Variants in AGAP1 observed in about 807,000 individuals in gnomAD.
AGAP1 encodes the protein ArfGAP with GTPase domain, ankyrin repeat and PH domain 1, also known as arf-GAP with GTPase, ANK repeat and PH domain-containing protein 1.
A neutral mutation model predicts 105.3 loss-of-function variants in AGAP1; 29 were observed. The ratio of observed to expected loss-of-function variants is 0.28; its 90% CI spans 0.21 to 0.38. The LOEUF (loss-of-function observed/expected upper bound fraction) is 0.38, where lower values mean the gene tolerates loss of function less well. Among genes scored for constraint, AGAP1 ranks in the 10% least tolerant of loss-of-function variants. The pLI, the probability that AGAP1 is intolerant of heterozygous loss-of-function variation, is 1.00. For missense variants in AGAP1, 998 were observed against 1,165.1 expected (o/e 0.86, Z 2.09); for synonymous variants, 509 against 485.9 (o/e 1.05, Z -0.63).
chr2:235,986,506 A>G (rs922881918), intron 13 of AGAP1, among the ~76,000 whole-genome samples: 16 of 152,212 alleles, frequency 1.1e-4, no homozygotes, highest in African/African-American at 3.9e-4. Flanking sequence ...TTCCATTACT[A>G]TGTTGAATGG....
At chr2:236,043,083 C>T (rs540514439) in intron 15 of AGAP1, among the ~76,000 whole-genome samples, 18 of 152,314 alleles carry the variant, frequency 1.2e-4, no homozygotes, top group Admixed American at 9.2e-4. Flanking sequence ...TGGAAAGGCT[C>T]AGAAGATGTA....
At chr2:235,782,507 T>C (rs892700003) in intron 6 of AGAP1, among the ~76,000 whole-genome samples, 3 of 152,238 alleles carry the variant, frequency 2.0e-5, no homozygotes, top group African/African-American at 7.2e-5. Context: ...GATTACTTCC[T>C]TTAATTCTTT....
chr2:236,043,330 G>C (rs183959142), intron 15 of AGAP1, among the ~76,000 whole-genome samples: 1 of 152,326 alleles, frequency 6.6e-6, no homozygotes, highest in Admixed American at 6.5e-5. Context: ...GTTCATCACA[G>C]TGCTTTACAT....
rs760720294 is a variant in AGAP1, at chr2:236,058,649, T to C, written c.2114+9368T>C. Reference sequence around the variant, plus strand: ...TTTATGGTGAAATACTGCAGGCTTTTCCCCTAAGATCACAAACAAGACAAG... The same window carrying C: ...TTTATGGTGAAATACTGCAGGCTTTCCCCCTAAGATCACAAACAAGACAAG... On this transcript the variant is annotated intron_variant, in intron 16 of 17. Coordinates refer to ENST00000304032, the MANE Select transcript of AGAP1 (RefSeq NM_001037131.3). The surrounding 1 kb of genome is among the most constrained non-coding windows in gnomAD (Gnocchi z 4.6). Among the ~76,000 whole-genome samples the C allele has an allele frequency of 3.9e-5, 6 of 152,134 alleles. No individual in the cohort carries two copies. Among genetic ancestry groups the C allele is most frequent in the Non-Finnish European group, 8.8e-5 (6 of 68,024 alleles).
At chr2:235,536,267 ACACACACACAG>A in intron 1 of AGAP1, among the ~76,000 whole-genome samples, 2 of 31,274 alleles carry the variant, frequency 6.4e-5, no homozygotes, top group Non-Finnish European at 5.8e-5. Flanking sequence ...ACACACACAC[ACACACACACAG>A]CAGGACCCCG....
At chr2:235,912,767 C>G (rs1181821366) in intron 11 of AGAP1, among the ~76,000 whole-genome samples, 1 of 152,194 alleles carries the variant, frequency 6.6e-6, no homozygotes, top group Non-Finnish European at 1.5e-5. Flanking sequence ...TAGCCATCAC[C>G]AGTTTCACCT....
chr2:235,826,782 C>T (rs1360868909), intron 9 of AGAP1, among the ~76,000 whole-genome samples: 1 of 152,144 alleles, frequency 6.6e-6, no homozygotes, highest in African/African-American at 2.4e-5. Flanking sequence ...CAACATTAGC[C>T]ACCCTGAGAG....
At chr2:235,679,063 AAG>A (rs1416079009) in intron 1 of AGAP1, among the ~76,000 whole-genome samples, 3 of 152,244 alleles carry the variant, frequency 2.0e-5, no homozygotes, top group African/African-American at 7.2e-5. Context: ...GCAAGAAAGA[AAG>A]AATGCTTTTC....
chr2:235,892,141 G>C (rs1217794638), intron 10 of AGAP1, among the ~76,000 whole-genome samples: 4 of 149,760 alleles, frequency 2.7e-5, no homozygotes, highest in Non-Finnish European at 4.4e-5. Flanking sequence ...GCAACAGTGA[G>C]ACTCCCATCT....
chr2:235,554,219 G>A (rs924802760), intron 1 of AGAP1, among the ~76,000 whole-genome samples: 2 of 152,232 alleles, frequency 1.3e-5, no homozygotes, highest in Non-Finnish European at 2.9e-5. Context: ...TTTAATTAGC[G>A]TGGTCCAGCC....
intron 6 of AGAP1, among the ~76,000 whole-genome samples, chr2:235,763,313 A>G (rs997626940): frequency 6.6e-6 from 1 of 151,794 alleles, no homozygotes; most frequent in Non-Finnish European, 1.5e-5. Context: ...AAAAAAAAAA[A>G]TTAAAACACC....
Position 235,494,732 on chromosome 2 carries a change from G to C in AGAP1, c.46G>C (p.Glu16Gln). 1.3e-6 allele frequency: 2 copies of C among 1,566,264 alleles called. No homozygotes were observed. Among genetic ancestry groups the C allele is most frequent in the Non-Finnish European group, 1.7e-6 (2 of 1,156,312 alleles). The change falls in exon 1 of 18, where the codon GAG becomes CAG. Residue 16 changes from glutamate (E) to glutamine (Q), a missense_variant. Physicochemically the swap from Glu to Gln is conservative, Grantham distance 29 (BLOSUM62 2). Transcript: ENST00000304032. ...QLANSAAIRA[E>Q]IQRFESVHPN... ...GGCCAACTCGGCTGCCATCCGGGCC[G>C]AGATCCAGCGCTTCGAGTCGGTCCA... is the stretch of plus-strand genomic sequence containing the variant.
chr2:235,554,433 A>G (rs1943910727), intron 1 of AGAP1, among the ~76,000 whole-genome samples: 1 of 152,208 alleles, frequency 6.6e-6, no homozygotes, highest in Non-Finnish European at 1.5e-5. Flanking sequence ...TTTCCTGGGA[A>G]GGAAAGAAAA....
intron 13 of AGAP1, among the ~76,000 whole-genome samples, chr2:236,006,932 CGTT>C (rs2056341771): frequency 6.6e-6 from 1 of 152,034 alleles, no homozygotes; most frequent in South Asian, 2.1e-4. Flanking sequence ...CTTTTTATTC[CGTT>C]GTTGTGTTAG....
chr2:235,722,270 C>T (rs771994393), intron 3 of AGAP1, among the ~76,000 whole-genome samples: 38 of 152,156 alleles, frequency 2.5e-4, no homozygotes, highest in Admixed American at 7.2e-4. Flanking sequence ...TCTCACAAGT[C>T]GGAAATCAAG....
rs1553548831 is a variant in AGAP1 at position 236,025,908 on chromosome 2, G to GTGGATGGA, written c.1646-10622_1646-10615dup. 2.1e-3 allele frequency among the ~76,000 whole-genome samples: 208 copies of GTGGATGGA among 99,916 alleles called. 2 individuals carry two copies. The Middle Eastern group carries it at 0.038, about 18-fold the overall frequency. 65.5% of individuals were successfully genotyped at this position (99,916 alleles called of 152,430 possible). A position where few individuals can be genotyped will look rare whatever the true frequency, so the allele number is the denominator to read the frequency against. Reference sequence around the variant, plus strand: ...CAGAGGGAGACTCCTTCTCGGGTGGGTGGATGGATGGATGGATGGATGGAT... The same window carrying GTGGATGGA: ...CAGAGGGAGACTCCTTCTCGGGTGGGTGGATGGATGGATGGATGGATGGATGGATGGAT... On this transcript the variant is annotated intron_variant, in intron 13 of 17. Coordinates refer to ENST00000304032, the MANE Select transcript of AGAP1 (RefSeq NM_001037131.3).
intron 1 of AGAP1, among the ~76,000 whole-genome samples, chr2:235,498,195 G>C (rs753681784): frequency 5.9e-5 from 9 of 152,200 alleles, no homozygotes; most frequent in Non-Finnish European, 1.3e-4. Context: ...CCTGTTTGTA[G>C]GCATGGGATA....
rs145929202 is a variant in AGAP1, at chr2:235,731,428, G to T, written c.311-9535G>T. On this transcript the variant is annotated intron_variant, in intron 3 of 17. Transcript: ENST00000304032. Reference sequence around the variant, plus strand: ...CATTTGAGAAGCACTTGTCCAAGACGTGCTATTTTATAGGCTATTTTGATG... The same window carrying T: ...CATTTGAGAAGCACTTGTCCAAGACTTGCTATTTTATAGGCTATTTTGATG... 2.0e-5 allele frequency among the ~76,000 whole-genome samples: 3 copies of T among 152,260 alleles called. No individual in the cohort carries two copies. In the South Asian group the frequency reaches 6.2e-4, roughly 32 times the overall value.
chr2:235,859,650 GGAAGGCCTTAGAGTTATTTTCCC>G (rs2106500961), intron 9 of AGAP1, among the ~76,000 whole-genome samples: 1 of 151,350 alleles, frequency 6.6e-6, no homozygotes, highest in African/African-American at 2.4e-5. Context: ...GCATTTGTCC[GGAAGGCCTTAGAGTTATTTTCCC>G]GAAGGCATTA....
Sources: allele counts gnomAD v4.1 joint callset (sites outside exome capture counted in the v4.1 genomes callset), GRCh38; gene constraint gnomAD v4.1.1; non-coding constraint Gnocchi (gnomAD v3.1); transcripts MANE v1.5; gene names NCBI Gene and HGNC (gene_info 2026-07-23, HGNC 2026-07-21).